PLA2G4D: variants seen among roughly 807,000 people sequenced by gnomAD.
PLA2G4D encodes the protein cytosolic phospholipase A2 delta.
PLA2G4D carries 80 observed loss-of-function variants against 94.4 expected under a neutral mutation model. The observed-to-expected ratio is 0.85, with a 90% CI of 0.71 to 1.02. The LOEUF is 1.02. PLA2G4D is among the 50% of genes least tolerant of loss of function. The pLI is 0.00. For synonymous variants in PLA2G4D, 438 were observed against 440.9 expected, an observed-to-expected ratio of 0.99 and a Z score of 0.08; for missense variants, 1,050 against 1,034.7, an observed-to-expected ratio of 1.01 and a Z score of -0.20.
intron 13 of PLA2G4D, among the ~76,000 whole-genome samples, chr15:42,076,116 G>A (rs989121177): frequency 5.9e-5 from 9 of 152,166 alleles, no homozygotes; most frequent in African/African-American, 2.2e-4. Flanking sequence ...TGTTGGAACA[G>A]AATAGGGCAC....
rs143137083 is a variant in PLA2G4D at position 42,087,827 on chromosome 15, C to T, written c.46-127G>A. ...TGGTGGTGCTGACACCCCTGCCAGG[C>T]GTTCCGGGGACACCCTCTGGGGACC... On this transcript the variant is annotated intron_variant, in intron 1 of 19. Transcript: ENST00000290472. 897 of 934,512 alleles carry T rather than the reference C, an allele frequency of 9.6e-4. 3 individuals are homozygous for T. In the African/African-American group the frequency reaches 0.013, roughly 14 times the overall value. The allele number at this position is 934,512 out of a possible 1,614,324, so 57.9% of individuals were successfully genotyped here. A position where few individuals can be genotyped will look rare whatever the true frequency, so the allele number is the denominator to read the frequency against.
intron 13 of PLA2G4D, 51 bp from the exon 14 acceptor site, chr15:42,072,443 G>C: frequency 8.2e-6 from 12 of 1,460,170 alleles, no homozygotes; most frequent in East Asian, 2.3e-5. Context: ...TACCCTGGAG[G>C]CAGTGGCTCC....
At chr15:42,085,066 C>A (rs767299239) in intron 6 of PLA2G4D, 30 bp downstream of exon 6, 6 of 1,613,828 alleles carry the variant, frequency 3.7e-6, no homozygotes, top group Middle Eastern at 3.3e-4. Flanking sequence ...GCTCTGGGGC[C>A]CCTCCCCTAA....
At chr15:42,070,199 C>T (rs1889776229) in intron 18 of PLA2G4D, 104 bp from the exon 19 acceptor site, 2 of 1,179,820 alleles carry the variant, frequency 1.7e-6, no homozygotes, top group Non-Finnish European at 2.3e-6. Flanking sequence ...AACAGCCTGG[C>T]TCTGTCCTGT....
Position 42,086,194 on chromosome 15 carries a change from T to TTCCCCCCCCCCCCCCCCCCCCC in PLA2G4D, c.387+18_387+19insGGGGGGGGGGGGGGGGGGGGGA. ...GGAAGAAGTGGGGCCCACGGGGACT[T>TTCCCCCCCCCCCCCCCCCCCCC]CCCCACCCACCCACCCACCTGGGGA... is the stretch of plus-strand genomic sequence containing the variant. On this transcript the variant is annotated intron_variant, in intron 4 of 19. Coordinates refer to ENST00000290472, the MANE Select transcript of PLA2G4D (RefSeq NM_178034.4). 9.5e-6 allele frequency: 13 copies of TTCCCCCCCCCCCCCCCCCCCCC among 1,370,442 alleles called. No homozygotes were observed. The highest frequency in any genetic ancestry group is 2.8e-4 in the Middle Eastern group (1 of 3,592). The allele number at this position is 1,370,442 out of a possible 1,614,324, so 84.9% of individuals were successfully genotyped here. A position where few individuals can be genotyped will look rare whatever the true frequency, so the allele number is the denominator to read the frequency against.
chr15:42,072,365 T>C lies in PLA2G4D; in HGVS notation c.1345A>G (p.Arg449Gly), dbSNP rs1402158741. The C allele has an allele frequency of 6.2e-7, 1 of 1,613,312 alleles. No homozygotes were observed. Among genetic ancestry groups the C allele is most frequent in the South Asian group, 1.1e-5 (1 of 91,034 alleles). ...QVMDQKLSGQ[R>G]AALERGQNPL... is the part of the protein sequence containing the mutation. ...TTCTGACCCCGTTCCAGGGCGGCTC[T>C]CTGTCCTGACAGCTTCTGATCCATC... The change falls in exon 14 of 20, where the codon AGA (arginine) becomes GGA (glycine). Residue 449 changes from arginine to glycine, a missense_variant. Physicochemically the swap from Arg to Gly is moderately radical, Grantham distance 125. Coordinates refer to ENST00000290472, the MANE Select transcript of PLA2G4D (RefSeq NM_178034.4).
intron 13 of PLA2G4D, 133 bp from the exon 14 acceptor site, chr15:42,072,525 C>T (rs947063416): frequency 1.4e-6 from 1 of 706,572 alleles, no homozygotes. Context: ...GTCTGGGGAC[C>T]ATATGTGGGT....
intron 1 of PLA2G4D, 121 bp downstream of exon 1, chr15:42,094,294 A>T: frequency 8.6e-7 from 1 of 1,162,310 alleles, no homozygotes; most frequent in Non-Finnish European, 1.2e-6. Context: ...CAAATCTCAG[A>T]CTCCCTCGCC....
chr15:42,087,646 G>T lies in PLA2G4D; in HGVS notation c.100C>A (p.Leu34Met), dbSNP rs1890176794. 2.5e-6 allele frequency: 4 copies of T among 1,614,054 alleles called. No individual in the cohort carries two copies. The African/African-American group carries it at 4.0e-5, about 16-fold the overall frequency. ...TACTCACACAGGTCAGCCCAGCGCA[G>T]GTTCCGCGCCTCCAGGACCCTCACT... ...LTVRVLEARN[L>M]RWADLLSEAD... is the part of the protein sequence containing the mutation. The change falls in exon 2 of 20, where the codon CTG becomes ATG. Residue 34 changes from leucine (L) to methionine (M), a missense_variant. Coordinates refer to ENST00000290472, the MANE Select transcript of PLA2G4D (RefSeq NM_178034.4).
Position 42,086,194 on chromosome 15 carries a change from T to TTGGGGGGGGGGGGCCCG in PLA2G4D, c.387+18_387+19insCGGGCCCCCCCCCCCCA. On this transcript the variant is annotated intron_variant, in intron 4 of 19. Transcript: ENST00000290472. ...GGAAGAAGTGGGGCCCACGGGGACT[T>TTGGGGGGGGGGGGCCCG]CCCCACCCACCCACCCACCTGGGGA... 1 of 1,370,442 alleles carries TTGGGGGGGGGGGGCCCG rather than the reference T, an allele frequency of 7.3e-7. No homozygotes were observed. Among genetic ancestry groups the TTGGGGGGGGGGGGCCCG allele is most frequent in the Non-Finnish European group, 9.6e-7 (1 of 1,043,082 alleles). The allele number at this position is 1,370,442 out of a possible 1,614,324, so 84.9% of individuals were successfully genotyped here. A position where few individuals can be genotyped will look rare whatever the true frequency, so the allele number is the denominator to read the frequency against.
At chr15:42,069,592 T>C (rs1386158002) in intron 19 of PLA2G4D, among the ~76,000 whole-genome samples, 2 of 151,876 alleles carry the variant, frequency 1.3e-5, no homozygotes, top group African/African-American at 4.8e-5. Flanking sequence ...AGAGGCCAAG[T>C]GAGTCCCCCA....
At chr15:42,082,963 G>T (rs139588440) in intron 8 of PLA2G4D, among the ~76,000 whole-genome samples, 1 of 152,216 alleles carries the variant, frequency 6.6e-6, no homozygotes, top group Admixed American at 6.5e-5. Context: ...TATTCTAAGG[G>T]TATCACTGGA....
chr15:42,080,841 G>A (rs995073885), intron 12 of PLA2G4D, among the ~76,000 whole-genome samples, 156 bp downstream of exon 12: 14 of 152,186 alleles, frequency 9.2e-5, no homozygotes, highest in African/African-American at 2.9e-4. Context: ...TTCTGTAAAC[G>A]TCTGTTTCCT....
intron 13 of PLA2G4D, among the ~76,000 whole-genome samples, chr15:42,074,157 C>T (rs1889877912): frequency 6.6e-6 from 1 of 152,100 alleles, no homozygotes; most frequent in Non-Finnish European, 1.5e-5. Context: ...ACAATTTATG[C>T]CCTAGGGAAA....
chr15:42,088,000 A>C (rs1183695399), intron 1 of PLA2G4D, among the ~76,000 whole-genome samples: 1 of 152,180 alleles, frequency 6.6e-6, no homozygotes, highest in Non-Finnish European at 1.5e-5. Flanking sequence ...CAAGGAAGTG[A>C]GGGCCAAGGA....
In PLA2G4D at chr15:42,084,014, C is replaced by T. The variant is rs776729; in HGVS notation, c.472-235G>A. On this transcript the variant is annotated intron_variant, in intron 6 of 19. Coordinates refer to ENST00000290472, the MANE Select transcript of PLA2G4D (RefSeq NM_178034.4). The surrounding 1 kb of genome is among the most constrained non-coding windows in gnomAD (Gnocchi z 4.8). Reference sequence around the variant, plus strand: ...TGGCTCCACACCTCCCCTCCAGCTCCCCTGGCTTTGCCAAACTCCCGAAAC... The same window carrying T: ...TGGCTCCACACCTCCCCTCCAGCTCTCCTGGCTTTGCCAAACTCCCGAAAC... The T allele has an allele frequency of 1, 532,326 of 532,692 alleles. 265,981 individuals carry two copies. The highest frequency in any genetic ancestry group is 1 in the Non-Finnish European group (295,876 of 295,876). The allele number at this position is 532,692 out of a possible 1,614,324, so 33.0% of individuals were successfully genotyped here.
intron 1 of PLA2G4D, among the ~76,000 whole-genome samples, chr15:42,090,547 G>A (rs1260057986): frequency 2.0e-5 from 3 of 152,218 alleles, no homozygotes; most frequent in African/African-American, 7.2e-5. Context: ...GACCCGCCCT[G>A]TTCCCTGCTA....
At chr15:42,085,065 C>A in intron 6 of PLA2G4D, 31 bp downstream of exon 6, 1 of 1,613,510 alleles carries the variant, frequency 6.2e-7, no homozygotes, top group South Asian at 1.1e-5. Flanking sequence ...TGCTCTGGGG[C>A]CCCTCCCCTA....
In PLA2G4D at chr15:42,086,194, T is replaced by TGGGGGGGGGCCCCC; in HGVS notation, c.387+18_387+19insGGGGGCCCCCCCCC. The TGGGGGGGGGCCCCC allele has an allele frequency of 6.6e-6, 9 of 1,370,436 alleles. No homozygotes were observed. The highest frequency in any genetic ancestry group is 1.6e-5 in the African/African-American group (1 of 64,356). 84.9% of individuals were successfully genotyped at this position (1,370,436 alleles called of 1,614,324 possible). Reference sequence around the variant, plus strand: ...GGAAGAAGTGGGGCCCACGGGGACTTCCCCACCCACCCACCCACCTGGGGA... The same window carrying TGGGGGGGGGCCCCC: ...GGAAGAAGTGGGGCCCACGGGGACTTGGGGGGGGGCCCCCCCCCACCCACCCACCCACCTGGGGA... On this transcript the variant is annotated intron_variant, in intron 4 of 19. Transcript: ENST00000290472.
Sources: gnomAD v4.1 joint callset for allele counts (sites outside exome capture counted in the v4.1 genomes callset) on GRCh38, gnomAD v4.1.1 for gene constraint, Gnocchi (gnomAD v3.1) non-coding constraint, MANE v1.5 for transcripts, NCBI Gene and HGNC (gene_info 2026-07-23, HGNC 2026-07-21) for gene names.